The following IL18RAP variants were observed in gnomAD, a reference collection of about 807,000 sequenced individuals.
The protein encoded by IL18RAP is interleukin-18 receptor accessory protein.
A neutral mutation model predicts 58.1 loss-of-function variants in IL18RAP; 37 were observed. That is an observed-to-expected ratio of 0.64 (90% CI 0.49 to 0.84). The LOEUF (loss-of-function observed/expected upper bound fraction) is 0.84. Among genes scored for constraint, IL18RAP ranks in the 40% least tolerant of loss-of-function variants. The pLI is 0.00. For synonymous variants in IL18RAP, 268 were observed against 257.5 expected (o/e 1.04, Z -0.39); for missense variants, 667 against 704.8 (o/e 0.95, Z 0.61).
At chr2:102,450,122 C>T (rs1683670838) in intron 8 of IL18RAP, among the ~76,000 whole-genome samples, 1 of 152,118 alleles carries the variant, frequency 6.6e-6, no homozygotes, top group Admixed American at 6.5e-5. Context: ...CATTCCGAAG[C>T]CTGTGAGTTA....
intron 3 of IL18RAP, chr2:102,433,949 A>G (rs1339862073): frequency 2.0e-5 from 3 of 152,368 alleles, no homozygotes; most frequent in Non-Finnish European, 4.4e-5. Context: ...ACTGGTAAGC[A>G]TGGTGAGACT....
In IL18RAP at chr2:102,441,301, T is replaced by A. The variant is rs774359075; in HGVS notation, c.731-11T>A. 1.9e-6 allele frequency: 3 copies of A among 1,610,314 alleles called. No individual in the cohort carries two copies. In the East Asian group the frequency reaches 6.7e-5, roughly 36 times the overall value. ...CCAATGCAAATAGTAATCTTTGTTT[T>A]CATCTTTCAGTGGGAGACACTAAAC... On this transcript the variant is annotated splice_polypyrimidine_tract_variant and intron_variant, in intron 4 of 9. Transcript: ENST00000687160.
chr2:102,420,188 G>A (rs1681483307), upstream of IL18RAP, among the ~76,000 whole-genome samples: 1 of 152,150 alleles, frequency 6.6e-6, no homozygotes, highest in Non-Finnish European at 1.5e-5. Flanking sequence ...CTACAATGCT[G>A]GCAACAGCTA....
rs1683204430 is a variant in IL18RAP at position 102,443,113 on chromosome 2, A to G, written c.797-87A>G. 20 of 1,338,798 alleles carry G rather than the reference A, an allele frequency of 1.5e-5. 1 individual carries two copies. The South Asian group carries it at 2.7e-4, about 18-fold the overall frequency. The allele number at this position is 1,338,798 out of a possible 1,614,324, so 82.9% of individuals were successfully genotyped here. A position where few individuals can be genotyped will look rare whatever the true frequency, so the allele number is the denominator to read the frequency against. ...TGCAAACCTGATTGCATCAGGAGAC[A>G]GCTTCTGGCGACGTCTTCCTCCCAG... On this transcript the variant is annotated intron_variant, in intron 5 of 9. Coordinates refer to ENST00000687160, the MANE Select transcript of IL18RAP (RefSeq NM_001393487.1).
intron 3 of IL18RAP, among the ~76,000 whole-genome samples, chr2:102,428,122 A>C (rs1181123735): frequency 6.6e-6 from 1 of 151,698 alleles, no homozygotes; most frequent in East Asian, 1.9e-4. Flanking sequence ...ATATTTTGAA[A>C]TCACGGAGTA....
intron 6 of IL18RAP, among the ~76,000 whole-genome samples, 167 bp from the exon 7 acceptor site, chr2:102,445,021 TC>T (rs2104373268): frequency 6.6e-6 from 1 of 152,328 alleles, no homozygotes; most frequent in African/African-American, 2.4e-5. Flanking sequence ...AATAATTGAA[TC>T]AAGAATGAGC....
chr2:102,443,933 A>G (rs1683262946), intron 6 of IL18RAP, among the ~76,000 whole-genome samples: 1 of 152,136 alleles, frequency 6.6e-6, no homozygotes, highest in Non-Finnish European at 1.5e-5. Context: ...CTGGTGAGAT[A>G]TTTTGGCCAG....
chr2:102,437,152 A>G, intron 3 of IL18RAP, 60 bp from the exon 4 acceptor site: 1 of 1,491,450 alleles, frequency 6.7e-7, no homozygotes, highest in East Asian at 2.3e-5. Flanking sequence ...TTCTTTAGGT[A>G]TGTATTTCAT....
rs1304555913 is a variant in IL18RAP, at chr2:102,424,052, C to A, written c.312C>A (p.Ile104=). 3 of 1,613,986 alleles carry A rather than the reference C, an allele frequency of 1.9e-6. No homozygotes were observed. In the African/African-American group the frequency reaches 4.0e-5, roughly 22 times the overall value. The change falls in exon 2 of 10, where the codon ATC becomes ATA. Residue 104 remains isoleucine, a synonymous_variant. Transcript: ENST00000687160. ...ACATTAGGAAAAGCTATCCTCACAT[C>A]ATTCAGGACAAATGTACCCTTCACT... ...LEDIRKSYPH[I]IQDKCTLHFL...
chr2:102,429,228 A>G (rs1231811897), intron 3 of IL18RAP, among the ~76,000 whole-genome samples: 1 of 151,800 alleles, frequency 6.6e-6, no homozygotes, highest in African/African-American at 2.4e-5. Flanking sequence ...TGGAAGTTTT[A>G]TTACTGATTC....
At chr2:102,425,956 G>A (rs971876564) in intron 3 of IL18RAP, among the ~76,000 whole-genome samples, 1 of 152,146 alleles carries the variant, frequency 6.6e-6, no homozygotes, top group Admixed American at 6.5e-5. Flanking sequence ...TGAACAGGCA[G>A]CCACCTTAAG....
intron 3 of IL18RAP, among the ~76,000 whole-genome samples, chr2:102,425,721 C>T (rs933229981): frequency 2.6e-5 from 4 of 151,662 alleles, no homozygotes; most frequent in Non-Finnish European, 2.9e-5. Flanking sequence ...GTCTTGTCCC[C>T]GTTATTTCAG....
At chr2:102,444,823 T>A (rs1683314693) in intron 6 of IL18RAP, among the ~76,000 whole-genome samples, 1 of 152,174 alleles carries the variant, frequency 6.6e-6, no homozygotes, top group Admixed American at 6.5e-5. Context: ...ATGGAGGACA[T>A]TAGAGTCCAT....
intron 3 of IL18RAP, among the ~76,000 whole-genome samples, chr2:102,426,489 C>T (rs982587976): frequency 6.6e-6 from 1 of 151,698 alleles, no homozygotes; most frequent in Non-Finnish European, 1.5e-5. Flanking sequence ...TAATTGTATA[C>T]ATTTACAATA....
At chr2:102,437,488 A>C in intron 4 of IL18RAP, 126 bp downstream of exon 4, 2 of 837,738 alleles carry the variant, frequency 2.4e-6, no homozygotes, top group Non-Finnish European at 1.7e-6. Flanking sequence ...ATCATGTAAA[A>C]CCTTTCATGT....
intron 3 of IL18RAP, among the ~76,000 whole-genome samples, chr2:102,426,046 A>ATG (rs1376497335): frequency 6.6e-6 from 1 of 152,284 alleles, no homozygotes; most frequent in East Asian, 1.9e-4. Flanking sequence ...AATTACACAT[A>ATG]TGTGTGTGTG....
In IL18RAP at chr2:102,423,338, A is replaced by G; in HGVS notation, c.61A>G (p.Asn21Asp). Reference protein sequence around the residue: ...LVAGERIKGFNISGCSTKKLL... With the variant: ...LVAGERIKGFDISGCSTKKLL... ...TGCAGGAGAGCGAATTAAAGGATTT[A>G]ATATTTCAGGTAGGGGTTTTCACTT... Residue 21 changes from asparagine (N) to aspartate (D), a missense_variant, in exon 1 of 10, where the codon AAT becomes GAT. Asn to Asp is a conservative substitution (Grantham distance 23). Coordinates refer to ENST00000687160, the MANE Select transcript of IL18RAP (RefSeq NM_001393487.1). 2.5e-6 allele frequency: 4 copies of G among 1,613,892 alleles called. No homozygotes were observed. Among genetic ancestry groups the G allele is most frequent in the Non-Finnish European group, 3.4e-6 (4 of 1,179,792 alleles).
chr2:102,423,370 T>C, intron 1 of IL18RAP, 23 bp downstream of exon 1: 1 of 1,592,972 alleles, frequency 6.3e-7, no homozygotes, highest in Non-Finnish European at 8.6e-7. Flanking sequence ...ACTTTTCATG[T>C]TAGCACTGTG....
chr2:102,450,455 G>A (rs1195033164), intron 8 of IL18RAP, among the ~76,000 whole-genome samples: 1 of 152,154 alleles, frequency 6.6e-6, no homozygotes, highest in Non-Finnish European at 1.5e-5. Context: ...GATGTGCTGG[G>A]TGTTAGCAGT....
Sources: gnomAD v4.1 joint callset for allele counts (sites outside exome capture counted in the v4.1 genomes callset) on GRCh38, gnomAD v4.1.1 for gene constraint, MANE v1.5 for transcripts, NCBI Gene and HGNC (gene_info 2026-07-23, HGNC 2026-07-21) for gene names.